DLC1: variants seen among roughly 807,000 people sequenced by gnomAD.
DLC1 encodes DLC1 Rho GTPase activating protein, also known as rho GTPase-activating protein 7.
DLC1 carries 54 observed loss-of-function variants against 140.3 expected under a neutral mutation model. The observed-to-expected ratio is 0.38, with a 90% confidence interval of 0.31 to 0.48. The LOEUF (loss-of-function observed/expected upper bound fraction) is 0.48. Among genes scored for constraint, DLC1 ranks in the 20% least tolerant of loss-of-function variants. The probability of loss-of-function intolerance (pLI) is 0.96; values close to 1 mark genes in which losing one functional copy is unlikely to be tolerated. For missense variants in DLC1, 2,536 were observed against 1,907.0 expected (o/e 1.33, Z -6.14); for synonymous variants, 986 against 728.1 (o/e 1.35, Z -5.70).
intron 1 of DLC1, among the ~76,000 whole-genome samples, chr8:13,513,798 C>A (rs1430140999): frequency 6.6e-6 from 1 of 152,086 alleles, no homozygotes; most frequent in Non-Finnish European, 1.5e-5. Flanking sequence ...TAAGTAAGGA[C>A]ACAAACAGTT....
chr8:13,286,864 A>G (rs1400099007), intron 5 of DLC1, among the ~76,000 whole-genome samples: 1 of 152,168 alleles, frequency 6.6e-6, no homozygotes, highest in Non-Finnish European at 1.5e-5. Flanking sequence ...ATTGTAGGAG[A>G]TGGAACCTCA....
chr8:13,130,802 G>C (rs1292335573), intron 5 of DLC1, among the ~76,000 whole-genome samples: 1 of 152,166 alleles, frequency 6.6e-6, no homozygotes, highest in African/African-American at 2.4e-5. Context: ...CTTCCAGGCT[G>C]TTTGGTGTCT....
At chr8:13,426,668 T>C (rs988029503) in intron 2 of DLC1, among the ~76,000 whole-genome samples, 8 of 152,204 alleles carry the variant, frequency 5.3e-5, no homozygotes, top group Non-Finnish European at 8.8e-5. Flanking sequence ...AGGGGCAACA[T>C]AGATTTAGAA....
At chr8:13,534,669 G>C (rs1451787082) in intron 1 of DLC1, among the ~76,000 whole-genome samples, 1 of 152,144 alleles carries the variant, frequency 6.6e-6, no homozygotes, top group Non-Finnish European at 1.5e-5. Flanking sequence ...AAATTCACCG[G>C]GTGCTGTTTG....
At position 13,414,215 on chromosome 8, in the gene DLC1, CAT is replaced by C. The variant is rs554630691; in HGVS notation, c.1024-12598_1024-12597del. Among the ~76,000 whole-genome samples the C allele has an allele frequency of 1.3e-4, 20 of 152,236 alleles. No individual in the cohort carries two copies. In the South Asian group the frequency reaches 3.9e-3, roughly 30 times the overall value. On this transcript the variant is annotated intron_variant, in intron 2 of 17. Coordinates refer to ENST00000276297, the MANE Select transcript of DLC1 (RefSeq NM_182643.3). ...ATTTTTTGGTACATTCATATATTGA[CAT>C]ATGCTGAAGCCTTTAACATAATGAC...
At chr8:13,132,024 G>A (rs916601071) in intron 5 of DLC1, among the ~76,000 whole-genome samples, 3 of 152,218 alleles carry the variant, frequency 2.0e-5, no homozygotes, top group Admixed American at 1.3e-4. Flanking sequence ...AGTGGGGGCA[G>A]GCTTCCAAGA....
chr8:13,126,786 T>C (rs371112253), intron 5 of DLC1, among the ~76,000 whole-genome samples: 3 of 152,260 alleles, frequency 2.0e-5, no homozygotes. Flanking sequence ...TCCCGCAACA[T>C]TGGCTTTTGC....
At chr8:13,192,831 G>A (rs74857704) in intron 5 of DLC1, among the ~76,000 whole-genome samples, 2,732 of 152,254 alleles carry the variant, frequency 0.018, 78 homozygotes, top group African/African-American at 0.062. Context: ...GGTGGTCGTC[G>A]GCAAGCAAAG....
intron 5 of DLC1, among the ~76,000 whole-genome samples, chr8:13,144,478 C>G (rs147805304): frequency 6.6e-6 from 1 of 152,212 alleles, no homozygotes; most frequent in Non-Finnish European, 1.5e-5. Flanking sequence ...AATAAATTAT[C>G]TCTCGGGCCC....
At chr8:13,377,904 A>G (rs1218814942) in intron 4 of DLC1, among the ~76,000 whole-genome samples, 1 of 151,758 alleles carries the variant, frequency 6.6e-6, no homozygotes, top group Non-Finnish European at 1.5e-5. Context: ...TTCTGAAAGA[A>G]AAAACAAAAA....
At chr8:13,366,316 C>A (rs1221690319) in intron 4 of DLC1, among the ~76,000 whole-genome samples, 1 of 152,116 alleles carries the variant, frequency 6.6e-6, no homozygotes, top group African/African-American at 2.4e-5. Flanking sequence ...TGTTGAGCAT[C>A]CACTACATGC....
chr8:13,572,356 T>C (rs11991274), intron 1 of DLC1, among the ~76,000 whole-genome samples: 27,371 of 152,162 alleles, frequency 0.18, 2,691 homozygotes, highest in Middle Eastern at 0.27. Flanking sequence ...CCCAAAGTGC[T>C]GGAGGAATTA....
Position 13,475,923 on chromosome 8 carries a change from G to T in DLC1, c.1023+23126C>A, listed in dbSNP as rs188064405. On this transcript the variant is annotated intron_variant, in intron 2 of 17. Transcript: ENST00000276297. ...CACTCCCTTCAATCTGGTATTTTCT[G>T]CAGTTCCCACATACTTGGGTCATTA... Among the ~76,000 whole-genome samples the T allele has an allele frequency of 2.7e-3, 404 of 152,262 alleles. 2 individuals carry two copies. Among genetic ancestry groups the T allele is most frequent in the African/African-American group, 9.3e-3 (388 of 41,540 alleles).
At chr8:13,293,917 G>A (rs914220189) in intron 5 of DLC1, among the ~76,000 whole-genome samples, 24 of 152,134 alleles carry the variant, frequency 1.6e-4, no homozygotes, top group African/African-American at 1.9e-4. Flanking sequence ...AAATACCAAC[G>A]GAATTAGAAA....
At chr8:13,544,057 A>G (rs1803573833) in intron 1 of DLC1, among the ~76,000 whole-genome samples, 1 of 152,168 alleles carries the variant, frequency 6.6e-6, no homozygotes, top group Admixed American at 6.5e-5. Context: ...TAAGCTTAAA[A>G]TGATAAAAAT....
chr8:13,100,207 C>G lies in DLC1; in HGVS notation c.2130G>C (p.Gln710His). 5 of 1,614,174 alleles carry G rather than the reference C, an allele frequency of 3.1e-6. No individual in the cohort carries two copies. Among genetic ancestry groups the G allele is most frequent in the Non-Finnish European group, 4.2e-6 (5 of 1,180,030 alleles). The stretch of plus-strand genomic sequence containing the variant: ...GGGCGGAGATCTCCACGCAGTTGAG[C>G]TGCTTCAGCTTCTCCTCATCCATCC... ...QEGMDEEKLK[Q>H]LNCVEISALN... is the part of the protein sequence containing the mutation. The change falls in exon 9 of 18, where the codon CAG becomes CAC. Residue 710 changes from glutamine (Q) to histidine (H), a missense_variant. Coordinates refer to ENST00000276297, the MANE Select transcript of DLC1 (RefSeq NM_182643.3).
chr8:13,215,836 C>G (rs966788107), intron 5 of DLC1, among the ~76,000 whole-genome samples: 1 of 152,132 alleles, frequency 6.6e-6, no homozygotes, highest in African/African-American at 2.4e-5. Context: ...AGGACTAGTG[C>G]GCAAGCCCGT....
intron 5 of DLC1, among the ~76,000 whole-genome samples, chr8:13,241,979 C>T (rs1829563596): frequency 6.6e-6 from 1 of 152,026 alleles, no homozygotes; most frequent in African/African-American, 2.4e-5. Flanking sequence ...GCAGATGAAG[C>T]CATTAAAGGA....
chr8:13,280,075 C>T (rs1056465436), intron 5 of DLC1, among the ~76,000 whole-genome samples: 6 of 150,310 alleles, frequency 4.0e-5, no homozygotes, highest in Non-Finnish European at 7.4e-5. Context: ...GTCGGGAGAT[C>T]GAGACCATCC....
Sources: allele counts gnomAD v4.1 joint callset (sites outside exome capture counted in the v4.1 genomes callset), GRCh38; gene constraint gnomAD v4.1.1; transcripts MANE v1.5; gene names NCBI Gene and HGNC (gene_info 2026-07-23, HGNC 2026-07-21).